SPECC1L: variants seen among roughly 807,000 people sequenced by gnomAD.
SPECC1L encodes the protein cytospin-A.
Under a neutral mutation model 116.8 loss-of-function variants are expected in SPECC1L, and 40 were observed. That is an observed-to-expected ratio of 0.34 (90% CI 0.27 to 0.45). SPECC1L has a LOEUF of 0.45. Ranked by LOEUF, SPECC1L falls within the 20% of genes least tolerant of loss-of-function variation. The pLI is 1.00. For missense variants in SPECC1L, 1,110 were observed against 1,373.6 expected (o/e 0.81, Z 3.03); for synonymous variants, 504 against 500.6 (o/e 1.01, Z -0.09).
chr22:24,397,475 C>T (rs1057439139), intron 14 of SPECC1L, among the ~76,000 whole-genome samples: 2 of 152,086 alleles, frequency 1.3e-5, no homozygotes, highest in Non-Finnish European at 2.9e-5. Flanking sequence ...TTTAGGCTCC[C>T]GTTCTGTCTC....
At chr22:24,357,235 A>G (rs543923952) in intron 11 of SPECC1L, among the ~76,000 whole-genome samples, 1 of 152,188 alleles carries the variant, frequency 6.6e-6, no homozygotes, top group East Asian at 1.9e-4. Flanking sequence ...TCATGTTTTC[A>G]AGGTTCATCC....
At chr22:24,308,639 G>T (rs1009549455) in intron 3 of SPECC1L, among the ~76,000 whole-genome samples, 1 of 139,316 alleles carries the variant, frequency 7.2e-6, no homozygotes, top group Non-Finnish European at 1.5e-5. Context: ...TTGAAACTTT[G>T]TACATATATC....
At chr22:24,339,636 G>T (rs2041130641) in intron 10 of SPECC1L, among the ~76,000 whole-genome samples, 1 of 152,198 alleles carries the variant, frequency 6.6e-6, no homozygotes, top group Non-Finnish European at 1.5e-5. Flanking sequence ...ATAAAGGGTA[G>T]CCCTGGCTGC....
intron 10 of SPECC1L, among the ~76,000 whole-genome samples, chr22:24,340,143 T>TTTC (rs2041144612): frequency 7.7e-6 from 1 of 129,474 alleles, no homozygotes; most frequent in African/African-American, 3.3e-5. Context: ...TAATGACCTT[T>TTTC]TTTTTTTTTT....
chr22:24,343,413 A>G (rs2041220495), intron 10 of SPECC1L: 1 of 431,774 alleles, frequency 2.3e-6, no homozygotes, highest in South Asian at 1.7e-5. Context: ...ACTTCTAGTT[A>G]GAAACTGTGC....
Position 24,414,842 on chromosome 22 carries a change from CAT to C in SPECC1L, c.*220_*221del. On this transcript the variant is annotated 3_prime_UTR_variant, in exon 17 of 17. Coordinates refer to ENST00000314328, the MANE Select transcript of SPECC1L (RefSeq NM_015330.6). ...TCCCACATGACCCGTCCATTCAGGTCATGTGGGCTCAGCACACATCCTGCAGG... is the reference window on the plus strand; with the variant it reads ...TCCCACATGACCCGTCCATTCAGGTCGTGGGCTCAGCACACATCCTGCAGG... 1.7e-6 allele frequency: 1 copy of C among 580,104 alleles called. No homozygotes were observed. The highest frequency in any genetic ancestry group is 3.1e-6 in the Non-Finnish European group (1 of 321,474). The allele number at this position is 580,104 out of a possible 1,614,324, so 35.9% of individuals were successfully genotyped here. A position where few individuals can be genotyped will look rare whatever the true frequency, so the allele number is the denominator to read the frequency against.
chr22:24,399,009 A>G (rs1337247479), intron 14 of SPECC1L, among the ~76,000 whole-genome samples: 1 of 152,204 alleles, frequency 6.6e-6, no homozygotes, highest in Non-Finnish European at 1.5e-5. Context: ...AATCATTCCT[A>G]AGCTGCTAAT....
At chr22:24,324,133 C>T in intron 5 of SPECC1L, 87 bp from the exon 6 acceptor site, 1 of 1,090,576 alleles carries the variant, frequency 9.2e-7, no homozygotes, top group Non-Finnish European at 1.4e-6. Context: ...ACTTAGCTCC[C>T]CTTGGAAACT....
In SPECC1L at chr22:24,321,946, G is replaced by T. The variant is rs776639958; in HGVS notation, c.966G>T (p.Val322=). 6.2e-7 allele frequency: 1 copy of T among 1,614,194 alleles called. No homozygotes were observed. Among genetic ancestry groups the T allele is most frequent in the Non-Finnish European group, 8.5e-7 (1 of 1,180,040 alleles). ...SSVEGSAPGS[V]EDLLSQDENT... is the part of the protein sequence containing the mutation. ...TGGAAGGCTCTGCCCCTGGCTCAGT[G>T]GAGGATCTCTTGAGTCAGGATGAAA... Residue 322 remains valine, a synonymous_variant, in exon 5 of 17, where the codon GTG becomes GTT. Coordinates refer to ENST00000314328, the MANE Select transcript of SPECC1L (RefSeq NM_015330.6).
rs144811452 is a variant in SPECC1L, at chr22:24,362,805, T to G, written c.2744-456T>G. On this transcript the variant is annotated intron_variant, in intron 11 of 16. Transcript: ENST00000314328. ...TCAAAGAGAATGTCTTCTCTGTGGTTTGATAATACTTTTGTCATTCTGTTA... is the reference window on the plus strand; with the variant it reads ...TCAAAGAGAATGTCTTCTCTGTGGTGTGATAATACTTTTGTCATTCTGTTA... 4.0e-3 allele frequency among the ~76,000 whole-genome samples: 616 copies of G among 152,354 alleles called. 7 individuals are homozygous for G. The highest frequency in any genetic ancestry group is 3.8e-3 in the Non-Finnish European group (257 of 68,042).
At chr22:24,273,828 C>A (rs77784140) in intron 1 of SPECC1L, among the ~76,000 whole-genome samples, 1 of 152,170 alleles carries the variant, frequency 6.6e-6, no homozygotes, top group African/African-American at 2.4e-5. Flanking sequence ...GCATGATCTC[C>A]GCTCACCGCA....
At chr22:24,367,661 C>T (rs1349832686) in intron 13 of SPECC1L, among the ~76,000 whole-genome samples, 1 of 152,212 alleles carries the variant, frequency 6.6e-6, no homozygotes, top group East Asian at 1.9e-4. Flanking sequence ...CCTTTTGGTT[C>T]TTAGAGCAAT....
chr22:24,362,823 T>C (rs1255972733), intron 11 of SPECC1L, among the ~76,000 whole-genome samples: 1 of 152,232 alleles, frequency 6.6e-6, no homozygotes, highest in Non-Finnish European at 1.5e-5. Flanking sequence ...ACTTTTGTCA[T>C]TCTGTTACTC....
At chr22:24,271,328 C>T (rs2048722416) in intron 1 of SPECC1L, among the ~76,000 whole-genome samples, 1 of 152,264 alleles carries the variant, frequency 6.6e-6, no homozygotes, top group Non-Finnish European at 1.5e-5. Context: ...TGCCTTTCCG[C>T]CGCTCCGGGA....
At chr22:24,326,289 T>G (rs1315122337) in intron 6 of SPECC1L, among the ~76,000 whole-genome samples, 1 of 152,210 alleles carries the variant, frequency 6.6e-6, no homozygotes, top group Non-Finnish European at 1.5e-5. Flanking sequence ...AAATGAAAGG[T>G]GTAACTCCCA....
chr22:24,388,629 T>C (rs1356051562), intron 14 of SPECC1L, among the ~76,000 whole-genome samples: 1 of 152,142 alleles, frequency 6.6e-6, no homozygotes, highest in African/African-American at 2.4e-5. Flanking sequence ...TCAAATGGTA[T>C]TTCTAGTTCT....
intron 2 of SPECC1L, among the ~76,000 whole-genome samples, chr22:24,280,405 A>C (rs1176334558): frequency 6.6e-6 from 1 of 151,360 alleles, no homozygotes; most frequent in Non-Finnish European, 1.5e-5. Context: ...AGGGAGAAGA[A>C]GGCATATAAT....
At chr22:24,342,571 G>T (rs999266235) in intron 10 of SPECC1L, among the ~76,000 whole-genome samples, 2 of 151,920 alleles carry the variant, frequency 1.3e-5, no homozygotes, top group Non-Finnish European at 2.9e-5. Context: ...TACGCAGGAG[G>T]CTGAGGCAGA....
chr22:24,361,503 C>G (rs2041642782), intron 11 of SPECC1L, among the ~76,000 whole-genome samples: 2 of 152,170 alleles, frequency 1.3e-5, no homozygotes, highest in Admixed American at 1.3e-4. Context: ...AATACAGAAA[C>G]AAGCCTGGTG....
Sources: allele counts gnomAD v4.1 joint callset (sites outside exome capture counted in the v4.1 genomes callset), GRCh38; gene constraint gnomAD v4.1.1; transcripts MANE v1.5; gene names NCBI Gene and HGNC (gene_info 2026-07-23, HGNC 2026-07-21).